VPS13C: variants seen among roughly 807,000 people sequenced by gnomAD.
VPS13C encodes intermembrane lipid transfer protein VPS13C.
In VPS13C, 358 loss-of-function variants were observed where a neutral mutation model predicts 456.8. That is an observed-to-expected ratio of 0.78 (90% CI 0.72 to 0.86). The LOEUF (loss-of-function observed/expected upper bound fraction) is 0.86. VPS13C is among the 40% of genes least tolerant of loss of function. The probability of loss-of-function intolerance (pLI) is 0.00; values close to 1 mark genes in which losing one functional copy is unlikely to be tolerated. For synonymous variants in VPS13C, 1,578 were observed against 1,486.7 expected (o/e 1.06, Z -1.41); for missense variants, 4,818 against 4,385.4 (o/e 1.10, Z -2.79).
At position 61,961,844 on chromosome 15, in the gene VPS13C, G is replaced by A; in HGVS notation, c.3653C>T (p.Thr1218Ile). 1 of 1,613,958 alleles carries A rather than the reference G, an allele frequency of 6.2e-7. No homozygotes were observed. Among genetic ancestry groups the A allele is most frequent in the Non-Finnish European group, 8.5e-7 (1 of 1,179,938 alleles). ...QTAKESLSAA[T>I]AQAAERAATS... ...GGCAGCCCTTTCTGCAGCCTGGGCA[G>A]TGGCAGCACTCAGAGACTCTTTGGC... The change falls in exon 35 of 85, where the codon ACT becomes ATT. Residue 1218 changes from threonine (T) to isoleucine (I), a missense_variant. This residue lies in a region of VPS13C where 4,552 missense variants were observed against 4,130.6 expected (regional missense o/e 1.10). Transcript: ENST00000644861.
chr15:62,006,369 C>G (rs1448918270), intron 15 of VPS13C, among the ~76,000 whole-genome samples: 1 of 151,992 alleles, frequency 6.6e-6, no homozygotes, highest in Non-Finnish European at 1.5e-5. Flanking sequence ...GTTTTTTGTC[C>G]TTGCGATAGT....
At position 61,966,075 on chromosome 15, in the gene VPS13C, T is replaced by G; in HGVS notation, c.3051+8A>C. The G allele has an allele frequency of 6.3e-7, 1 of 1,597,834 alleles. No homozygotes were observed. The highest frequency in any genetic ancestry group is 1.1e-5 in the South Asian group (1 of 88,532). ...AACAGGATAAATTCCTTTAACAGAATTTCTTACCTTAACTGTTTGTTCAGT... is the reference window on the plus strand; with the variant it reads ...AACAGGATAAATTCCTTTAACAGAAGTTCTTACCTTAACTGTTTGTTCAGT... On this transcript the variant is annotated splice_region_variant and intron_variant, in intron 30 of 84. Transcript: ENST00000644861.
At chr15:62,042,521 T>C (rs1336087825) in intron 2 of VPS13C, among the ~76,000 whole-genome samples, 13 of 151,706 alleles carry the variant, frequency 8.6e-5, no homozygotes, top group Admixed American at 8.5e-4. Context: ...AAGTCTTTTT[T>C]AGACCAAAAA....
At chr15:62,060,199 G>A in intron 1 of VPS13C, 76 bp downstream of exon 1, 1 of 800,506 alleles carries the variant, frequency 1.2e-6, no homozygotes. Flanking sequence ...GCAGGGCCCG[G>A]GCAGAATCCC....
At chr15:61,859,739 A>G (rs1894122154) in intron 82 of VPS13C, among the ~76,000 whole-genome samples, 2 of 152,120 alleles carry the variant, frequency 1.3e-5, no homozygotes, top group African/African-American at 4.8e-5. Context: ...TCACACGGTG[A>G]TATCATTGAT....
At chr15:61,930,338 T>C (rs1289314579) in intron 50 of VPS13C, among the ~76,000 whole-genome samples, 3 of 152,226 alleles carry the variant, frequency 2.0e-5, no homozygotes, top group East Asian at 1.9e-4. Flanking sequence ...GGGAGAGCTG[T>C]GGACAGCTAC....
At chr15:61,924,255 T>A (rs565462329) in intron 53 of VPS13C, among the ~76,000 whole-genome samples, 2 of 152,300 alleles carry the variant, frequency 1.3e-5, no homozygotes, top group South Asian at 4.1e-4. Flanking sequence ...ATGCTCCCCA[T>A]CTATTTAATC....
At chr15:61,950,587 T>A (rs1404006302) in intron 40 of VPS13C, among the ~76,000 whole-genome samples, 170 bp from the exon 41 acceptor site, 2 of 150,834 alleles carry the variant, frequency 1.3e-5, no homozygotes, top group African/African-American at 4.9e-5. Context: ...ACTGACCACA[T>A]AAGCATTTCT....
At chr15:62,001,328 G>A (rs572703073) in intron 15 of VPS13C, among the ~76,000 whole-genome samples, 42 of 152,228 alleles carry the variant, frequency 2.8e-4, no homozygotes, top group Admixed American at 7.9e-4. Flanking sequence ...CAATAACTAC[G>A]CTTTTTCTAA....
At chr15:62,060,135 T>C in intron 1 of VPS13C, 140 bp downstream of exon 1, 1 of 423,008 alleles carries the variant, frequency 2.4e-6, no homozygotes, top group East Asian at 5.2e-5. Flanking sequence ...CGGCAGAGGC[T>C]CCCGCATCTA....
intron 80 of VPS13C, among the ~76,000 whole-genome samples, chr15:61,868,999 A>G (rs975816094): frequency 6.6e-6 from 1 of 152,192 alleles, no homozygotes; most frequent in Non-Finnish European, 1.5e-5. Context: ...GGCCTAGCTC[A>G]TCTACTCTTT....
At chr15:61,984,033 A>C (rs766331286) in intron 19 of VPS13C, 21 bp from the exon 20 acceptor site, 12 of 1,598,828 alleles carry the variant, frequency 7.5e-6, no homozygotes, top group Admixed American at 5.2e-5. Context: ...ATGAAGAACA[A>C]GGAAAGATGC....
chr15:62,008,629 A>C, intron 14 of VPS13C, 26 bp downstream of exon 14: 1 of 1,544,488 alleles, frequency 6.5e-7, no homozygotes, highest in Non-Finnish European at 8.8e-7. Flanking sequence ...TGTTCCTCAC[A>C]AAACAAAAAA....
rs370686448 is a variant in VPS13C, at chr15:61,917,454, A to G, written c.7942T>C (p.Leu2648=). The change falls in exon 60 of 85, where the codon TTG becomes CTG. Residue 2648 remains leucine (L), a synonymous_variant. Coordinates refer to ENST00000644861, the MANE Select transcript of VPS13C (RefSeq NM_020821.3). Reference sequence around the variant, plus strand: ...TCCCCATGTGTACATATGTAGCTCAATTCATCAGGCAGAGCAACTGTATTC... The same window carrying G: ...TCCCCATGTGTACATATGTAGCTCAGTTCATCAGGCAGAGCAACTGTATTC... ...IVNTVALPDE[L]SYICTHGEDW... is the part of the protein sequence containing the mutation. 3.7e-6 allele frequency: 6 copies of G among 1,613,908 alleles called. No individual in the cohort carries two copies. The highest frequency in any genetic ancestry group is 1.3e-5 in the African/African-American group (1 of 74,920).
At chr15:61,909,217 T>C in intron 64 of VPS13C, 92 bp from the exon 65 acceptor site, 1 of 1,514,906 alleles carries the variant, frequency 6.6e-7, no homozygotes, top group Non-Finnish European at 8.9e-7. Flanking sequence ...ACAAAAGCTT[T>C]GGTTTTTTTC....
rs574134316 is a variant in VPS13C, at chr15:61,897,518, T to C, written c.9106-7118A>G. Among the ~76,000 whole-genome samples, 179 of 152,026 alleles carry C rather than the reference T, an allele frequency of 1.2e-3. 1 individual carries two copies. The highest frequency in any genetic ancestry group is 4.2e-3 in the African/African-American group (176 of 41,472). The stretch of plus-strand genomic sequence containing the variant: ...AGGGTATCAGCGATGGAAGATGAAA[T>C]GAATGATATGAAGCGAGAAAGGAAG... On this transcript the variant is annotated intron_variant, in intron 66 of 84. Transcript: ENST00000644861.
intron 66 of VPS13C, among the ~76,000 whole-genome samples, chr15:61,890,739 C>T (rs1049667294): frequency 6.6e-6 from 1 of 152,094 alleles, no homozygotes; most frequent in Non-Finnish European, 1.5e-5. Context: ...CAGAATGGTT[C>T]GGAAGTTTAT....
At chr15:61,995,549 T>C (rs183603551) in intron 16 of VPS13C, among the ~76,000 whole-genome samples, 1 of 152,326 alleles carries the variant, frequency 6.6e-6, no homozygotes, top group Admixed American at 6.5e-5. Flanking sequence ...CCTGCTGCAG[T>C]TTCTCTCTTC....
chr15:62,013,423 A>G (rs189272088), intron 10 of VPS13C, among the ~76,000 whole-genome samples: 1 of 152,094 alleles, frequency 6.6e-6, no homozygotes, highest in African/African-American at 2.4e-5. Context: ...TGCTGAAAAA[A>G]AAAAGACATG....
Sources: allele counts gnomAD v4.1 joint callset (sites outside exome capture counted in the v4.1 genomes callset), GRCh38; gene constraint gnomAD v4.1.1; regional missense constraint gnomAD v4.1.1; transcripts MANE v1.5; gene names NCBI Gene and HGNC (gene_info 2026-07-23, HGNC 2026-07-21).